ISM1: variants seen among roughly 807,000 people sequenced by gnomAD.
ISM1 encodes the protein isthmin 1, also known as isthmin-1.
A neutral mutation model predicts 46.3 loss-of-function variants in ISM1; 25 were observed. The ratio of observed to expected loss-of-function variants is 0.54; its 90% CI spans 0.39 to 0.75. ISM1 has a LOEUF of 0.75. Among genes scored for constraint, ISM1 ranks in the 30% least tolerant of loss-of-function variants. The pLI, the probability that ISM1 is intolerant of heterozygous loss-of-function variation, is 0.00. For synonymous variants in ISM1, 255 were observed against 256.7 expected (o/e 0.99, Z 0.06); for missense variants, 536 against 625.4 (o/e 0.86, Z 1.52).
intron 1 of ISM1, among the ~76,000 whole-genome samples, chr20:13,253,875 ATATG>A (rs1395570445): frequency 1.0e-5 from 1 of 100,144 alleles, no homozygotes. Context: ...ATATATATAT[ATATG>A]TGTGTGTGTA....
chr20:13,225,597 C>T (rs1671058649), intron 1 of ISM1, among the ~76,000 whole-genome samples: 1 of 152,218 alleles, frequency 6.6e-6, no homozygotes, highest in African/African-American at 2.4e-5. Context: ...TACGATGTTA[C>T]AAGGTGGCAG....
In ISM1 at chr20:13,282,377, T is replaced by C. The variant is rs564547608; in HGVS notation, c.643+2479T>C. Reference sequence around the variant, plus strand: ...TCCTTTTTCAATCAAGGTCACCAGATGATTCTCTTGCACACTGAAGTTTGA... The same window carrying C: ...TCCTTTTTCAATCAAGGTCACCAGACGATTCTCTTGCACACTGAAGTTTGA... On this transcript the variant is annotated intron_variant, in intron 3 of 5. Transcript: ENST00000262487. 4.6e-5 allele frequency among the ~76,000 whole-genome samples: 7 copies of C among 152,358 alleles called. No homozygotes were observed. In the East Asian group the frequency reaches 1.2e-3, roughly 25 times the overall value.
At chr20:13,262,862 G>C (rs2040003105) in intron 1 of ISM1, among the ~76,000 whole-genome samples, 1 of 152,128 alleles carries the variant, frequency 6.6e-6, no homozygotes. Context: ...TTCTTCTAAA[G>C]CCTGAGATAA....
intron 1 of ISM1, among the ~76,000 whole-genome samples, chr20:13,250,848 CTTTTAAG>C (rs1446553660): frequency 6.6e-6 from 1 of 152,178 alleles, no homozygotes; most frequent in African/African-American, 2.4e-5. Context: ...GTGATTTCAG[CTTTTAAG>C]TATGTTGGGT....
Position 13,268,615 on chromosome 20 carries a change from C to T in ISM1, c.139-1889C>T, listed in dbSNP as rs1179109463. ...ACATGCTGCAGAGCAGCCAGCTTTC[C>T]CCGGTCACTGCATGTTTTAAAGAGG... On this transcript the variant is annotated intron_variant, in intron 1 of 5. Coordinates refer to ENST00000262487, the MANE Select transcript of ISM1 (RefSeq NM_080826.2). Among the ~76,000 whole-genome samples the T allele has an allele frequency of 4.6e-5, 7 of 152,282 alleles. No individual in the cohort carries two copies. In the East Asian group the frequency reaches 1.4e-3, roughly 29 times the overall value.
At chr20:13,255,885 CCATT>C (rs1315055427) in intron 1 of ISM1, among the ~76,000 whole-genome samples, 103 of 151,794 alleles carry the variant, frequency 6.8e-4, no homozygotes, top group Non-Finnish European at 1.2e-4. Context: ...CACCAACCAG[CCATT>C]CATTCATTCA....
rs1235520083 is a variant in ISM1, at chr20:13,224,832, G to GCTTT, written c.138+2927_138+2930dup. Among the ~76,000 whole-genome samples, 5 of 148,306 alleles carry GCTTT rather than the reference G, an allele frequency of 3.4e-5. 1 individual carries two copies. Among genetic ancestry groups the GCTTT allele is most frequent in the African/African-American group, 7.4e-5 (3 of 40,508 alleles). ...TGTTCTTAGCACTTTACACATACTAGCTTTCTTTCTTTTTTTTTTTTTTTT... is the reference window on the plus strand; with the variant it reads ...TGTTCTTAGCACTTTACACATACTAGCTTTCTTTCTTTCTTTTTTTTTTTTTTTT... On this transcript the variant is annotated intron_variant, in intron 1 of 5. Transcript: ENST00000262487.
At chr20:13,307,230 C>T in the ISM1 span, among the ~76,000 whole-genome samples, 1 of 152,230 alleles carries the variant, frequency 6.6e-6, no homozygotes, top group Non-Finnish European at 1.5e-5. Flanking sequence ...ATTTGACCCT[C>T]TTATAGCCAA....
intron 1 of ISM1, chr20:13,239,673 A>G (rs781268003): frequency 6.6e-6 from 1 of 152,196 alleles, no homozygotes; most frequent in African/African-American, 2.4e-5. Context: ...CCTGCACTCC[A>G]TGGTGAGGCA....
Position 13,263,479 on chromosome 20 carries a change from G to C in ISM1, c.139-7025G>C, listed in dbSNP as rs557649507. ...TTCTCCTGGTTTTCTCATCTTAGGA[G>C]TGCTTGCTCCTCAATCATGTTAAAG... On this transcript the variant is annotated intron_variant, in intron 1 of 5. Transcript: ENST00000262487. Among the ~76,000 whole-genome samples the C allele has an allele frequency of 3.9e-5, 6 of 152,266 alleles. No individual in the cohort carries two copies. The South Asian group carries it at 6.2e-4, about 16-fold the overall frequency.
chr20:13,260,831 T>C (rs528365834), intron 1 of ISM1, among the ~76,000 whole-genome samples: 37 of 152,310 alleles, frequency 2.4e-4, no homozygotes, highest in African/African-American at 8.2e-4. Context: ...CAAGGATTTA[T>C]TATTTCTCAT....
intron 1 of ISM1, among the ~76,000 whole-genome samples, chr20:13,223,794 T>G (rs544199771): frequency 5.1e-4 from 77 of 152,316 alleles, no homozygotes; most frequent in African/African-American, 1.7e-3. Context: ...TCTTAATATC[T>G]TCAAGATTTC....
intron 1 of ISM1, among the ~76,000 whole-genome samples, chr20:13,265,210 C>T (rs1402351596): frequency 1.3e-5 from 2 of 152,164 alleles, no homozygotes; most frequent in Non-Finnish European, 2.9e-5. Flanking sequence ...GCTCCTGAAC[C>T]CCTCCCCAGC....
intron 1 of ISM1, among the ~76,000 whole-genome samples, chr20:13,262,960 AC>A (rs1344757600): frequency 2.6e-5 from 4 of 152,160 alleles, no homozygotes; most frequent in Admixed American, 2.6e-4. Context: ...TATTAGTCAG[AC>A]CGTGACAGCA....
chr20:13,290,642 A>G (rs2123314431), intron 4 of ISM1, among the ~76,000 whole-genome samples: 1 of 152,304 alleles, frequency 6.6e-6, no homozygotes, highest in East Asian at 1.9e-4. Context: ...CGGGCGACAG[A>G]GCAAGACTCC....
intron 1 of ISM1, among the ~76,000 whole-genome samples, chr20:13,226,577 C>T (rs752711021): frequency 6.6e-6 from 1 of 152,134 alleles, no homozygotes; most frequent in Non-Finnish European, 1.5e-5. Context: ...GTGATTTCAC[C>T]TGATATTACT....
downstream of ISM1, among the ~76,000 whole-genome samples, chr20:13,301,324 G>T (rs1161662193): frequency 6.6e-6 from 1 of 152,096 alleles, no homozygotes; most frequent in African/African-American, 2.4e-5. Context: ...GAGTAGCTGG[G>T]ATTACAGGCA....
At chr20:13,251,616 C>T (rs1342274315) in intron 1 of ISM1, among the ~76,000 whole-genome samples, 1 of 152,210 alleles carries the variant, frequency 6.6e-6, no homozygotes, top group East Asian at 1.9e-4. Context: ...GATCATAAGA[C>T]TTTCTCTTTG....
At chr20:13,244,312 T>G (rs1004709518) in intron 1 of ISM1, 3 of 135,456 alleles carry the variant, frequency 2.2e-5, no homozygotes, top group African/African-American at 5.8e-5. Context: ...CTCTCGACAC[T>G]AAGATGACCA....
Sources: gnomAD v4.1 joint callset for allele counts (sites outside exome capture counted in the v4.1 genomes callset) on GRCh38, gnomAD v4.1.1 for gene constraint, MANE v1.5 for transcripts, NCBI Gene and HGNC (gene_info 2026-07-23, HGNC 2026-07-21) for gene names.